Variants in TET2 observed in about 807,000 individuals in gnomAD.
The protein encoded by TET2 is methylcytosine dioxygenase TET2.
A neutral mutation model predicts 142.9 loss-of-function variants in TET2; 299 were observed. The ratio of observed to expected loss-of-function variants is 2.09; its 90% confidence interval spans 1.90 to 2.30. The LOEUF (loss-of-function observed/expected upper bound fraction) is 2.30. TET2 is among the 30% of genes most tolerant of loss of function. The pLI is 0.00. For synonymous variants in TET2, 819 were observed against 849.0 expected, an observed-to-expected ratio of 0.96 and a Z score of 0.61; for missense variants, 2,418 against 2,378.0, an observed-to-expected ratio of 1.02 and a Z score of -0.35.
At chr4:105,153,367 C>A (rs756686894) in intron 1 of TET2, among the ~76,000 whole-genome samples, 49 of 152,270 alleles carry the variant, frequency 3.2e-4, no homozygotes, top group African/African-American at 1.1e-3. Flanking sequence ...TATTTTTAAA[C>A]CTTTTTTTCT....
intron 5 of TET2, 55 bp from the exon 6 acceptor site, chr4:105,243,515 T>G: frequency 6.2e-6 from 9 of 1,461,996 alleles, no homozygotes; most frequent in African/African-American, 1.4e-5. Flanking sequence ...AAGTGACCCT[T>G]GTTTTGTTTT....
intron 1 of TET2, among the ~76,000 whole-genome samples, chr4:105,153,949 A>G (rs893826837): frequency 1.3e-5 from 2 of 152,262 alleles, no homozygotes; most frequent in African/African-American, 4.8e-5. Flanking sequence ...ATTGTGGTAT[A>G]TCCATACAGT....
chr4:105,168,036 T>C (rs1259747911), intron 1 of TET2, among the ~76,000 whole-genome samples: 2 of 152,152 alleles, frequency 1.3e-5, no homozygotes, highest in Non-Finnish European at 2.9e-5. Flanking sequence ...CCAATTTCCA[T>C]CTCCATTCAA....
At chr4:105,237,907 A>G (rs900271802) in intron 3 of TET2, 21 of 1,031,850 alleles carry the variant, frequency 2.0e-5, no homozygotes, top group Middle Eastern at 4.6e-4. Context: ...TACATTTGGA[A>G]TGTTGTGATT....
rs2110307307 is a variant in TET2 at position 105,272,865 on chromosome 4, C to T, written c.4484C>T (p.Ala1495Val). 6.5e-7 allele frequency: 1 copy of T among 1,550,200 alleles called. No homozygotes were observed. The highest frequency in any genetic ancestry group is 8.7e-7 in the Non-Finnish European group (1 of 1,146,612). Residue 1495 changes from alanine (A) to valine (V), a missense_variant, in exon 10 of 11, where the codon GCC becomes GTC. By Grantham distance (64) the Ala-to-Val change is moderately conservative. Transcript: ENST00000380013. Reference protein sequence around the residue: ...SSNKNEKEKSAPSRTKQTENA... With the variant: ...SSNKNEKEKSVPSRTKQTENA... The stretch of plus-strand genomic sequence containing the variant: ...AATAAAAATGAAAAGGAAAAGTCAG[C>T]CCCATCACGTACAAAACAAACTGAA...
chr4:105,265,118 G>A (rs886628473), intron 8 of TET2, among the ~76,000 whole-genome samples: 28 of 152,104 alleles, frequency 1.8e-4, no homozygotes, highest in African/African-American at 6.0e-4. Context: ...TCTCAAAATC[G>A]TGTGCTATTT....
intron 2 of TET2, among the ~76,000 whole-genome samples, chr4:105,213,237 A>G (rs1211273638): frequency 6.6e-6 from 1 of 152,186 alleles, no homozygotes; most frequent in Non-Finnish European, 1.5e-5. Context: ...AAGCATAATG[A>G]TATAACCTGC....
At chr4:105,254,067 G>A (rs1730004458) in intron 6 of TET2, among the ~76,000 whole-genome samples, 1 of 152,166 alleles carries the variant, frequency 6.6e-6, no homozygotes, top group African/African-American at 2.4e-5. Context: ...GGTCATGGTT[G>A]CTATTAGTCT....
In TET2 at chr4:105,236,418, A is replaced by G; in HGVS notation, c.2476A>G (p.Ser826Gly). 1 of 1,614,112 alleles carries G rather than the reference A, an allele frequency of 6.2e-7. No homozygotes were observed. The highest frequency in any genetic ancestry group is 8.5e-7 in the Non-Finnish European group (1 of 1,180,012). ...NSPYSQTMKS[S>G]ACKIQVSCSN... ...CCCTTATAGTCAGACCATGAAATCA[A>G]GTGCATGCAAAATACAGGTTTCTTG... Residue 826 changes from serine to glycine, a missense_variant, in exon 3 of 11, where the codon AGT becomes GGT. Coordinates refer to ENST00000380013, the MANE Select transcript of TET2 (RefSeq NM_001127208.3).
At chr4:105,163,848 AGAGAGAGTGT>A (rs1433159684) in intron 1 of TET2, among the ~76,000 whole-genome samples, 13 of 113,616 alleles carry the variant, frequency 1.1e-4, no homozygotes, top group Middle Eastern at 4.6e-3. Context: ...AGAGAGAGAG[AGAGAGAGTGT>A]GTGTGTGTGT....
intron 6 of TET2, among the ~76,000 whole-genome samples, chr4:105,256,075 A>T (rs1730113988): frequency 2.0e-5 from 3 of 152,134 alleles, no homozygotes; most frequent in African/African-American, 7.2e-5. Context: ...ATTTTATTTT[A>T]TGCCCATTAA....
At chr4:105,148,914 T>TAAA (rs1227862360) in intron 1 of TET2, among the ~76,000 whole-genome samples, 1 of 152,322 alleles carries the variant, frequency 6.6e-6, no homozygotes, top group East Asian at 1.9e-4. Context: ...TGTAACTTTC[T>TAAA]ATTTTGATCT....
At chr4:105,147,086 T>A (rs191411777) in intron 1 of TET2, 107 bp downstream of exon 1, 1 of 152,334 alleles carries the variant, frequency 6.6e-6, no homozygotes, top group African/African-American at 2.4e-5. Flanking sequence ...CACCCACAAA[T>A]ACCAAGAGGG....
Position 105,181,570 on chromosome 4 carries a change from G to T in TET2, c.-192-8790G>T, listed in dbSNP as rs568455769. ...TTAGAAAATCTAGCAAATAAAAAAT[G>T]GTTTAAAACTTCTTTAAAATGTGTA... On this transcript the variant is annotated intron_variant, in intron 1 of 10. Coordinates refer to ENST00000380013, the MANE Select transcript of TET2 (RefSeq NM_001127208.3). 4.6e-5 allele frequency among the ~76,000 whole-genome samples: 7 copies of T among 152,198 alleles called. No individual in the cohort carries two copies. The South Asian group carries it at 1.5e-3, about 32-fold the overall frequency.
intron 2 of TET2, among the ~76,000 whole-genome samples, chr4:105,222,790 C>T (rs891885323): frequency 3.3e-5 from 5 of 151,644 alleles, no homozygotes; most frequent in Admixed American, 2.6e-4. Flanking sequence ...AGTCCTTGCC[C>T]GTGCCTATGT....
Position 105,235,885 on chromosome 4 carries a change from A to G in TET2, c.1943A>G (p.Asp648Gly). 3.1e-6 allele frequency: 5 copies of G among 1,614,060 alleles called. No homozygotes were observed. Among genetic ancestry groups the G allele is most frequent in the Non-Finnish European group, 3.4e-6 (4 of 1,180,006 alleles). The part of the protein sequence containing the change: ...MNQGQSQGTV[D>G]QHLQFQKPSH... ...CAAGGGCAGTCCCAAGGTACAGTGG[A>G]CCAACATCTCCAGTTCCAAAAACCC... The change falls in exon 3 of 11, where the codon GAC becomes GGC. Residue 648 changes from aspartate (D) to glycine (G), a missense_variant. By Grantham distance (94) the Asp-to-Gly change is moderately conservative. Transcript: ENST00000380013.
chr4:105,225,048 C>G (rs1160745012), intron 2 of TET2, among the ~76,000 whole-genome samples: 4 of 151,832 alleles, frequency 2.6e-5, no homozygotes, highest in African/African-American at 9.7e-5. Flanking sequence ...CTAAAACTGC[C>G]TTTTTAGACT....
intron 1 of TET2, among the ~76,000 whole-genome samples, chr4:105,159,035 C>A (rs971329440): frequency 6.6e-6 from 1 of 152,002 alleles, no homozygotes; most frequent in Non-Finnish European, 1.5e-5. Flanking sequence ...TCCAGAGACT[C>A]TTATGTAACA....
chr4:105,271,411 G>C (rs1417165112), intron 9 of TET2, among the ~76,000 whole-genome samples: 1 of 152,122 alleles, frequency 6.6e-6, no homozygotes, highest in African/African-American at 2.4e-5. Context: ...GAAGGTGACA[G>C]AGAGTAAGAT....
Sources: gnomAD v4.1 joint callset for allele counts (sites outside exome capture counted in the v4.1 genomes callset) on GRCh38, gnomAD v4.1.1 for gene constraint, MANE v1.5 for transcripts, NCBI Gene and HGNC (gene_info 2026-07-23, HGNC 2026-07-21) for gene names.